Variants in SLC45A4 observed in about 807,000 individuals in gnomAD.
SLC45A4 encodes solute carrier family 45 member 4.
Under a neutral mutation model 63.7 loss-of-function variants are expected in SLC45A4, and 32 were observed. The observed-to-expected ratio is 0.50, with a 90% CI of 0.38 to 0.67. The LOEUF is 0.67. Ranked by LOEUF, SLC45A4 falls within the 30% of genes least tolerant of loss-of-function variation. The pLI, the probability that SLC45A4 is intolerant of heterozygous loss-of-function variation, is 0.00. For synonymous variants in SLC45A4, 535 were observed against 510.0 expected, an observed-to-expected ratio of 1.05 and a Z score of -0.66; for missense variants, 1,027 against 1,157.7, an observed-to-expected ratio of 0.89 and a Z score of 1.64.
At chr8:141,280,473 G>T (rs186871901) in intron 1 of SLC45A4, among the ~76,000 whole-genome samples, 49 of 152,348 alleles carry the variant, frequency 3.2e-4, no homozygotes, top group African/African-American at 1.2e-3. Context: ...TAAGTAACCT[G>T]GGTAACCAAA....
intron 2 of SLC45A4, among the ~76,000 whole-genome samples, chr8:141,238,941 C>T (rs1236270537): frequency 2.0e-5 from 3 of 152,144 alleles, no homozygotes; most frequent in African/African-American, 7.2e-5. Context: ...AGGTACTCTT[C>T]TAGTAAAGTC....
At chr8:141,212,747 G>A (rs546818039) in intron 7 of SLC45A4, among the ~76,000 whole-genome samples, 191 bp from the exon 8 acceptor site, 1 of 152,190 alleles carries the variant, frequency 6.6e-6, no homozygotes, top group Non-Finnish European at 1.5e-5. Flanking sequence ...CGGAAGAGGT[G>A]GGAAGTTCTA....
chr8:141,228,280 C>T, intron 2 of SLC45A4: 1 of 1,612,680 alleles, frequency 6.2e-7, no homozygotes, highest in East Asian at 2.2e-5. Context: ...TGATGCTGTC[C>T]CTGCCGCCCT....
At position 141,254,585 on chromosome 8, in the gene SLC45A4, C is replaced by G; in HGVS notation, c.-356G>C. 1.4e-6 allele frequency: 1 copy of G among 702,380 alleles called. No individual in the cohort carries two copies. Among genetic ancestry groups the G allele is most frequent in the Non-Finnish European group, 2.6e-6 (1 of 384,858 alleles). 43.5% of individuals were successfully genotyped at this position (702,380 alleles called of 1,614,324 possible). On this transcript the variant is annotated 5_prime_UTR_variant, in exon 2 of 9. Transcript: ENST00000517878. The surrounding 1 kb of genome is among the most constrained non-coding windows in gnomAD (Gnocchi z 4.5). ...GCTACAGAGAGGTGGGAAGGTGATA[C>G]AAACAGGTGGTCCGCTGGTAATCCC...
intron 1 of SLC45A4, among the ~76,000 whole-genome samples, chr8:141,286,635 C>G (rs2154615197): frequency 6.6e-6 from 1 of 152,160 alleles, no homozygotes; most frequent in East Asian, 1.9e-4. Context: ...AGCCTGCCCC[C>G]CAGAAATGTG....
chr8:141,222,263 T>C (rs1175813357), intron 2 of SLC45A4, among the ~76,000 whole-genome samples: 1 of 152,218 alleles, frequency 6.6e-6, no homozygotes, highest in African/African-American at 2.4e-5. Flanking sequence ...CCACGACTTC[T>C]AGACCTCACT....
intron 2 of SLC45A4, chr8:141,224,854 C>T (rs1332267105): frequency 6.6e-6 from 1 of 152,278 alleles, no homozygotes; most frequent in Admixed American, 6.5e-5. Context: ...GAGCATTCTT[C>T]ATTTCTTTTT....
At chr8:141,301,613 T>C (rs1270936804) in intron 1 of SLC45A4, among the ~76,000 whole-genome samples, 1 of 151,252 alleles carries the variant, frequency 6.6e-6, no homozygotes, top group Admixed American at 6.6e-5. Flanking sequence ...TAGCTGGGCA[T>C]AAGCCCAGCT....
At chr8:141,265,561 T>C (rs1227387466) in intron 1 of SLC45A4, among the ~76,000 whole-genome samples, 1 of 152,138 alleles carries the variant, frequency 6.6e-6, no homozygotes, top group Non-Finnish European at 1.5e-5. Flanking sequence ...GAGAGCATTA[T>C]CTGAAAAAAG....
intron 1 of SLC45A4, among the ~76,000 whole-genome samples, chr8:141,305,333 A>G (rs1038081886): frequency 6.6e-6 from 1 of 152,098 alleles, no homozygotes; most frequent in Non-Finnish European, 1.5e-5. Flanking sequence ...CTTCCTTTCT[A>G]CAAGGCTGCT....
At chr8:141,300,546 T>C (rs964121406) in intron 1 of SLC45A4, among the ~76,000 whole-genome samples, 3 of 152,314 alleles carry the variant, frequency 2.0e-5, no homozygotes, top group Non-Finnish European at 2.9e-5. Flanking sequence ...ACCCACCCCA[T>C]GGCCCTGATC....
At chr8:141,283,816 T>A (rs754703074) in intron 1 of SLC45A4, among the ~76,000 whole-genome samples, 24 of 152,148 alleles carry the variant, frequency 1.6e-4, no homozygotes, top group Non-Finnish European at 1.0e-4. Context: ...GCAGGGCCCA[T>A]GATGGCTGGA....
intron 1 of SLC45A4, among the ~76,000 whole-genome samples, chr8:141,276,470 G>A (rs1348720538): frequency 6.6e-6 from 1 of 152,184 alleles, no homozygotes; most frequent in African/African-American, 2.4e-5. Context: ...AAACACTACA[G>A]AAGCCTTCCC....
At chr8:141,275,572 G>T (rs990584288) in intron 1 of SLC45A4, among the ~76,000 whole-genome samples, 1 of 151,326 alleles carries the variant, frequency 6.6e-6, no homozygotes, top group East Asian at 2.0e-4. Flanking sequence ...AATAGGTGGC[G>T]TGTTCCAGCC....
At chr8:141,237,324 G>A (rs1827680106) in intron 2 of SLC45A4, among the ~76,000 whole-genome samples, 1 of 152,078 alleles carries the variant, frequency 6.6e-6, no homozygotes, top group African/African-American at 2.4e-5. Flanking sequence ...ACAGACTTCT[G>A]CCATGCTAGA....
chr8:141,271,212 G>A (rs1470514462), intron 1 of SLC45A4, among the ~76,000 whole-genome samples: 3 of 152,202 alleles, frequency 2.0e-5, no homozygotes, highest in Admixed American at 1.3e-4. Flanking sequence ...GAGACTTCCT[G>A]GAGAAGATGA....
chr8:141,286,127 C>T (rs973592754), intron 1 of SLC45A4, among the ~76,000 whole-genome samples: 5 of 152,130 alleles, frequency 3.3e-5, no homozygotes, highest in Non-Finnish European at 5.9e-5. Flanking sequence ...GAGCTATGCC[C>T]AGAGGAGTCA....
chr8:141,307,691 G>A (rs958843305), intron 1 of SLC45A4, among the ~76,000 whole-genome samples: 3 of 152,044 alleles, frequency 2.0e-5, no homozygotes, highest in African/African-American at 7.2e-5. Context: ...GTCAGGACCA[G>A]GAGTTAGAGG....
At chr8:141,261,693 A>G (rs1382459470) in intron 1 of SLC45A4, among the ~76,000 whole-genome samples, 1 of 151,914 alleles carries the variant, frequency 6.6e-6, no homozygotes, top group Non-Finnish European at 1.5e-5. Context: ...TTCAAGGAGA[A>G]CTACAAACCA....
Sources: gnomAD v4.1 joint callset for allele counts (sites outside exome capture counted in the v4.1 genomes callset) on GRCh38, gnomAD v4.1.1 for gene constraint, Gnocchi (gnomAD v3.1) non-coding constraint, MANE v1.5 for transcripts, NCBI Gene and HGNC (gene_info 2026-07-23, HGNC 2026-07-21) for gene names.